GRM7: variants seen among roughly 807,000 people sequenced by gnomAD.
GRM7 encodes the protein glutamate metabotropic receptor 7, also known as metabotropic glutamate receptor 7.
Under a neutral mutation model 84.5 loss-of-function variants are expected in GRM7, and 35 were observed. That is an observed-to-expected ratio of 0.41 (90% confidence interval 0.32 to 0.55). The LOEUF is 0.55. GRM7 is among the 20% of genes least tolerant of loss of function. The probability of loss-of-function intolerance (pLI) is 0.19; values close to 1 mark genes in which losing one functional copy is unlikely to be tolerated. For synonymous variants in GRM7, 487 were observed against 455.1 expected (o/e 1.07, Z -0.89); for missense variants, 1,003 against 1,194.6 (o/e 0.84, Z 2.36).
At chr3:7,341,177 C>G (rs538185788) in intron 4 of GRM7, among the ~76,000 whole-genome samples, 2 of 152,022 alleles carry the variant, frequency 1.3e-5, no homozygotes, top group Non-Finnish European at 2.9e-5. Flanking sequence ...GAGTGAAAGT[C>G]AAAGGTCACA....
At chr3:7,593,890 C>A (rs971795625) in intron 8 of GRM7, among the ~76,000 whole-genome samples, 3 of 152,024 alleles carry the variant, frequency 2.0e-5, no homozygotes, top group Non-Finnish European at 2.9e-5. Flanking sequence ...TTCCCAAGCA[C>A]CTGCACATTT....
intron 1 of GRM7, among the ~76,000 whole-genome samples, chr3:7,029,255 G>T (rs1398039344): frequency 6.9e-6 from 1 of 145,648 alleles, no homozygotes; most frequent in Non-Finnish European, 1.5e-5. Flanking sequence ...AGTAAGCTGG[G>T]ATCACGCCAT....
At chr3:7,362,257 A>T (rs1693695665) in intron 4 of GRM7, among the ~76,000 whole-genome samples, 1 of 152,036 alleles carries the variant, frequency 6.6e-6, no homozygotes, top group Non-Finnish European at 1.5e-5. Flanking sequence ...CCAGTAAGAG[A>T]GGAGAAACTA....
At chr3:7,468,843 C>A (rs1393551495) in intron 7 of GRM7, among the ~76,000 whole-genome samples, 2 of 152,114 alleles carry the variant, frequency 1.3e-5, no homozygotes, top group East Asian at 1.9e-4. Flanking sequence ...GTCCTTGCTA[C>A]CCCTTCACGA....
At chr3:7,333,078 C>T (rs1701272134) in intron 4 of GRM7, among the ~76,000 whole-genome samples, 1 of 152,098 alleles carries the variant, frequency 6.6e-6, no homozygotes. Flanking sequence ...CAACTCATAA[C>T]AGAACAACCC....
intron 1 of GRM7, among the ~76,000 whole-genome samples, chr3:6,892,320 T>A (rs1327551298): frequency 6.6e-6 from 1 of 152,120 alleles, no homozygotes; most frequent in African/African-American, 2.4e-5. Context: ...GCATCCCGTA[T>A]CCTGCTCCTG....
chr3:7,098,063 G>T (rs1698919511), intron 1 of GRM7, among the ~76,000 whole-genome samples: 1 of 152,016 alleles, frequency 6.6e-6, no homozygotes, highest in South Asian at 2.1e-4. Flanking sequence ...CAAAGCAGCT[G>T]TTAATTTCTA....
chr3:7,252,219 G>T (rs180713160), intron 2 of GRM7, among the ~76,000 whole-genome samples: 6 of 152,140 alleles, frequency 3.9e-5, no homozygotes, highest in African/African-American at 1.4e-4. Context: ...TTAATTCTAA[G>T]CTCATTGTGC....
At chr3:7,262,478 T>C (rs1168038395) in intron 2 of GRM7, among the ~76,000 whole-genome samples, 1 of 152,198 alleles carries the variant, frequency 6.6e-6, no homozygotes, top group Non-Finnish European at 1.5e-5. Flanking sequence ...CTATACTGGC[T>C]TTTTTGTCTG....
intron 4 of GRM7, among the ~76,000 whole-genome samples, chr3:7,359,547 C>G (rs1301280158): frequency 2.0e-5 from 3 of 147,238 alleles, no homozygotes; most frequent in Non-Finnish European, 1.5e-5. Flanking sequence ...GTTGGCCAGG[C>G]TGGTCTTGAA....
chr3:7,337,124 C>A (rs1433678520), intron 4 of GRM7, among the ~76,000 whole-genome samples: 1 of 152,088 alleles, frequency 6.6e-6, no homozygotes, highest in Non-Finnish European at 1.5e-5. Context: ...CACTTACTTA[C>A]AGCCAACTGC....
chr3:7,468,329 A>G (rs528082314), intron 7 of GRM7, among the ~76,000 whole-genome samples: 1 of 152,250 alleles, frequency 6.6e-6, no homozygotes, highest in African/African-American at 2.4e-5. Context: ...CTTTTCTTGT[A>G]ATTTATAGTT....
At chr3:7,676,831 C>A (rs910197045) in intron 8 of GRM7, among the ~76,000 whole-genome samples, 1 of 152,010 alleles carries the variant, frequency 6.6e-6, no homozygotes, top group East Asian at 1.9e-4. Flanking sequence ...TAGGTTAAAC[C>A]GTTTAGCCTA....
At chr3:7,170,177 G>A (rs1694938259) in intron 2 of GRM7, among the ~76,000 whole-genome samples, 2 of 152,170 alleles carry the variant, frequency 1.3e-5, no homozygotes, top group South Asian at 2.1e-4. Context: ...AGGAGAACTG[G>A]GGGAGTAAAT....
At chr3:7,201,403 T>C (rs1229162121) in intron 2 of GRM7, among the ~76,000 whole-genome samples, 8 of 152,306 alleles carry the variant, frequency 5.3e-5, no homozygotes, top group Admixed American at 5.2e-4. Context: ...GTTTATATAC[T>C]AGATGTGTAT....
At chr3:7,045,548 C>T (rs1371947304) in intron 1 of GRM7, among the ~76,000 whole-genome samples, 1 of 152,138 alleles carries the variant, frequency 6.6e-6, no homozygotes. Flanking sequence ...ATTTCCTTCT[C>T]CAAACCTCCG....
intron 1 of GRM7, among the ~76,000 whole-genome samples, chr3:6,908,578 G>A (rs922979339): frequency 6.6e-6 from 1 of 152,112 alleles, no homozygotes; most frequent in Admixed American, 6.6e-5. Flanking sequence ...CCTTTTCACA[G>A]GTGATTATCC....
chr3:7,224,599 A>C (rs991757969), intron 2 of GRM7, among the ~76,000 whole-genome samples: 1 of 152,190 alleles, frequency 6.6e-6, no homozygotes. Flanking sequence ...AGAAATGAGG[A>C]GCTTAGTGGA....
At chr3:7,512,151 TAAAAA>T (rs907864278) in intron 7 of GRM7, among the ~76,000 whole-genome samples, 30 of 151,588 alleles carry the variant, frequency 2.0e-4, no homozygotes, top group African/African-American at 6.8e-4. Context: ...TCTCTGGAAA[TAAAAA>T]AGAAAAGAAA....
Sources: gnomAD v4.1 joint callset for allele counts (sites outside exome capture counted in the v4.1 genomes callset) on GRCh38, gnomAD v4.1.1 for gene constraint, MANE v1.5 for transcripts, NCBI Gene and HGNC (gene_info 2026-07-23, HGNC 2026-07-21) for gene names.